Variants in MUC22 observed in about 807,000 individuals in gnomAD.
MUC22 encodes the protein mucin-22.
Under a neutral mutation model 40.3 loss-of-function variants are expected in MUC22, and 24 were observed. That is an observed-to-expected ratio of 0.60 (90% confidence interval 0.43 to 0.84). The LOEUF (loss-of-function observed/expected upper bound fraction) is 0.84. MUC22 is among the 40% of genes least tolerant of loss of function. The pLI, the probability that MUC22 is intolerant of heterozygous loss-of-function variation, is 0.00. For synonymous variants in MUC22, 765 were observed against 844.5 expected (o/e 0.91, Z 1.63); for missense variants, 1,926 against 2,130.7 (o/e 0.90, Z 1.89).
exon 2 of MUC22, chr6:31,027,520 A>G (rs62401664): frequency 0.12 from 181,856 of 1,530,274 alleles, 13,031 homozygotes; most frequent in Admixed American, 0.16. Context: ...TGAGATCACA[A>G]TAGCCTCTAC....
At chr6:31,013,710 C>T (rs146132947) in intron 1 of MUC22, among the ~76,000 whole-genome samples, 2 of 152,244 alleles carry the variant, frequency 1.3e-5, no homozygotes, top group South Asian at 2.1e-4. Context: ...GTCACCCAGG[C>T]GGGAATGCAG....
At position 31,026,744 on chromosome 6, in the gene MUC22, C is replaced by T; in HGVS notation, c.1313C>T (p.Thr438Ile). The change falls in exon 2 of 4, where the codon ACA becomes ATA. Residue 438 changes from threonine (T) to isoleucine (I), a missense_variant. Transcript: ENST00000561890. ...TTCACTGCAGGCTCGGAAACCATCA[C>T]ACCCTCTACTGCAGGCTCAGAGACC... The T allele has an allele frequency of 2.0e-6, 3 of 1,507,204 alleles. 1 individual carries two copies. Among genetic ancestry groups the T allele is most frequent in the Non-Finnish European group, 2.7e-6 (3 of 1,128,642 alleles). 93.4% of individuals were successfully genotyped at this position (1,507,204 alleles called of 1,614,324 possible). A position where few individuals can be genotyped will look rare whatever the true frequency, so the allele number is the denominator to read the frequency against.
chr6:31,012,164 G>T (rs969849759), intron 1 of MUC22, among the ~76,000 whole-genome samples: 26 of 152,164 alleles, frequency 1.7e-4, no homozygotes, highest in African/African-American at 6.3e-4. Flanking sequence ...CTTTACTGTA[G>T]GATGGCTCGT....
exon 2 of MUC22, chr6:31,026,891 C>A: frequency 6.7e-7 from 1 of 1,500,074 alleles, no homozygotes; most frequent in Non-Finnish European, 8.9e-7. Context: ...TCTGAGACCA[C>A]CAAAGTCTCA....
chr6:31,024,582 G>A (rs1765120961), intron 1 of MUC22, among the ~76,000 whole-genome samples: 1 of 152,126 alleles, frequency 6.6e-6, no homozygotes, highest in East Asian at 1.9e-4. Context: ...ACCCCTGTCA[G>A]CAAAAGAAAT....
At chr6:31,009,315 C>T (rs1160164188), upstream of MUC22, among the ~76,000 whole-genome samples, 2 of 152,192 alleles carry the variant, frequency 1.3e-5, no homozygotes, top group African/African-American at 2.4e-5. Flanking sequence ...AATCCTCCCA[C>T]CTCAGCCTCT....
intron 1 of MUC22, among the ~76,000 whole-genome samples, chr6:31,017,596 T>A (rs554118034): frequency 1.3e-5 from 2 of 151,392 alleles, no homozygotes; most frequent in South Asian, 4.2e-4. Context: ...TTTGTAAACA[T>A]ACCAATCAGC....
chr6:31,028,496 C>T, exon 2 of MUC22: 1 of 1,534,770 alleles, frequency 6.5e-7, no homozygotes, highest in South Asian at 1.2e-5. Context: ...ACTACAAGCT[C>T]TGAGACCACC....
At chr6:31,027,174 A>C in exon 2 of MUC22, 1 of 1,502,314 alleles carries the variant, frequency 6.7e-7, no homozygotes, top group South Asian at 1.2e-5. Context: ...TCTTTGCTGC[A>C]GGCTCTGAGA....
intron 1 of MUC22, among the ~76,000 whole-genome samples, chr6:31,015,165 T>C (rs1764105243): frequency 6.6e-6 from 1 of 151,900 alleles, no homozygotes; most frequent in South Asian, 2.1e-4. Flanking sequence ...TTTCCTGGAG[T>C]ATATGGGCCA....
chr6:31,032,510 G>A lies in MUC22; in HGVS notation c.4984G>A (p.Ala1662Thr). The A allele has an allele frequency of 6.5e-7, 1 of 1,535,726 alleles. No individual in the cohort carries two copies. The highest frequency in any genetic ancestry group is 1.2e-5 in the South Asian group (1 of 84,066). The stretch of plus-strand genomic sequence containing the variant: ...ACCAAGTGGATATTTACAGCCCTGG[G>A]CTATCATCCTCATTTCCCTGGCTGC... The change falls in exon 3 of 4, where the codon GCT (alanine) becomes ACT (threonine). Residue 1662 changes from alanine to threonine, a missense_variant. Physicochemically the swap from Ala to Thr is moderately conservative, Grantham distance 58. Transcript: ENST00000561890. The surrounding 1 kb of genome is among the most constrained non-coding windows in gnomAD (Gnocchi z 4.1).
intron 1 of MUC22, among the ~76,000 whole-genome samples, chr6:31,022,133 C>T (rs1376997369): frequency 1.3e-5 from 2 of 152,088 alleles, no homozygotes; most frequent in Non-Finnish European, 2.9e-5. Context: ...CACATCTGAA[C>T]ATCAGAAGGA....
At chr6:31,016,834 C>T (rs558161679) in intron 1 of MUC22, among the ~76,000 whole-genome samples, 10 of 152,332 alleles carry the variant, frequency 6.6e-5, no homozygotes, top group East Asian at 5.8e-4. Context: ...GCGGCACTTG[C>T]GGGCCAGCAC....
intron 1 of MUC22, among the ~76,000 whole-genome samples, chr6:31,019,722 C>T (rs778767044): frequency 2.0e-5 from 3 of 152,272 alleles, no homozygotes; most frequent in South Asian, 2.1e-4. Flanking sequence ...GGTGTGGTAG[C>T]GCATGTCTGT....
chr6:31,033,192 TAGGAAGGA>T (rs920031912), intron 3 of MUC22, among the ~76,000 whole-genome samples: 53 of 131,382 alleles, frequency 4.0e-4, no homozygotes, highest in African/African-American at 1.5e-3. Flanking sequence ...AAAAGAAAGG[TAGGAAGGA>T]AGGAAGGAGA....
At chr6:31,017,784 G>A (rs1190793252) in intron 1 of MUC22, among the ~76,000 whole-genome samples, 3 of 152,248 alleles carry the variant, frequency 2.0e-5, no homozygotes, top group African/African-American at 7.2e-5. Flanking sequence ...TCAGTAGGAT[G>A]TGGGTGCCAC....
chr6:31,012,834 C>T (rs1488900865), intron 1 of MUC22, among the ~76,000 whole-genome samples: 1 of 152,158 alleles, frequency 6.6e-6, no homozygotes, highest in Non-Finnish European at 1.5e-5. Context: ...GTGCATTTCT[C>T]CTTCCCCTCC....
intron 1 of MUC22, among the ~76,000 whole-genome samples, chr6:31,020,406 G>A (rs1012184142): frequency 1.3e-5 from 2 of 148,238 alleles, no homozygotes; most frequent in Non-Finnish European, 3.0e-5. Context: ...TTCTAGACAA[G>A]CAAAAACTGG....
chr6:31,033,225 G>GAGAAAGAATGAGGAAGAAAGGA (rs1766199321), intron 3 of MUC22, among the ~76,000 whole-genome samples: 3 of 149,342 alleles, frequency 2.0e-5, no homozygotes, highest in African/African-American at 7.4e-5. Context: ...GAGAGAAAAA[G>GAGAAAGAATGAGGAAGAAAGGA]AGAAAGAATG....
Sources: gnomAD v4.1 joint callset for allele counts (sites outside exome capture counted in the v4.1 genomes callset) on GRCh38, gnomAD v4.1.1 for gene constraint, Gnocchi (gnomAD v3.1) non-coding constraint, MANE v1.5 for transcripts, NCBI Gene and HGNC (gene_info 2026-07-23, HGNC 2026-07-21) for gene names.